Variants in NDUFAF6 observed in about 807,000 individuals in gnomAD.
The protein encoded by NDUFAF6 is NADH:ubiquinone oxidoreductase complex assembly factor 6.
A neutral mutation model predicts 40.8 loss-of-function variants in NDUFAF6; 45 were observed. That is an observed-to-expected ratio of 1.10 (90% CI 0.87 to 1.42). NDUFAF6 has a LOEUF of 1.42. Ranked by LOEUF, NDUFAF6 falls within the 40% of genes most tolerant of loss-of-function variation. NDUFAF6 has a pLI of 0.00. For synonymous variants in NDUFAF6, 185 were observed against 155.9 expected (o/e 1.19, Z -1.39); for missense variants, 435 against 418.5 (o/e 1.04, Z -0.34).
intron 1 of NDUFAF6, chr8:94,940,261 A>C (rs368640148): frequency 6.4e-7 from 1 of 1,555,078 alleles, no homozygotes; most frequent in Admixed American, 1.9e-5. Flanking sequence ...GTGTTGTTGA[A>C]GAGTCCCACA....
intron 2 of NDUFAF6, among the ~76,000 whole-genome samples, chr8:95,005,526 A>AATATATATATATATATATATATAT (rs760333438): frequency 1.5e-3 from 11 of 7,258 alleles, no homozygotes; most frequent in African/African-American, 7.4e-3. Flanking sequence ...GGTCCTTTTA[A>AATATATATATATATATATATATAT]ATATATATAT....
chr8:95,021,613 A>G (rs1827695285), upstream of NDUFAF6, among the ~76,000 whole-genome samples: 1 of 152,174 alleles, frequency 6.6e-6, no homozygotes, highest in Non-Finnish European at 1.5e-5. Flanking sequence ...TCATTCTAAG[A>G]AAAAAACTCA....
chr8:95,100,090 G>C (rs996107374), upstream of NDUFAF6, among the ~76,000 whole-genome samples: 3 of 152,030 alleles, frequency 2.0e-5, no homozygotes, highest in African/African-American at 7.3e-5. Context: ...TTTAAACCAA[G>C]TGGGGACTCA....
At position 94,991,795 on chromosome 8, in the gene NDUFAF6, C is replaced by T. The variant is rs560228839; in HGVS notation, c.-84+10822C>T. ...GTACAAGGAGAGCTTCCTCATTCTT[C>T]GCCCCCCCCCCCTTTTTTTTTTTAA... On this transcript the variant is annotated intron_variant, in intron 2 of 9. Coordinates refer to the NDUFAF6 transcript ENST00000396111. 2.6e-4 allele frequency among the ~76,000 whole-genome samples: 29 copies of T among 111,116 alleles called. No homozygotes were observed. The South Asian group carries it at 2.7e-3, about 10-fold the overall frequency. The allele number at this position is 111,116 out of a possible 152,430, so 72.9% of individuals were successfully genotyped here.
At chr8:95,011,567 A>T (rs7832570) in intron 2 of NDUFAF6, among the ~76,000 whole-genome samples, 19,141 of 152,188 alleles carry the variant, frequency 0.13, 1,253 homozygotes, top group Middle Eastern at 0.23. Context: ...ACTGCCCTAG[A>T]TGCAGCTGGT....
At chr8:94,923,822 G>A (rs1819666268) in intron 1 of NDUFAF6, among the ~76,000 whole-genome samples, 1 of 148,662 alleles carries the variant, frequency 6.7e-6, no homozygotes, top group Non-Finnish European at 1.5e-5. Flanking sequence ...TGGGACTACA[G>A]GTGCCCGCCA....
intron 2 of NDUFAF6, among the ~76,000 whole-genome samples, chr8:95,081,216 G>T (rs1372533863): frequency 7.2e-6 from 1 of 138,670 alleles, no homozygotes; most frequent in Non-Finnish European, 1.5e-5. Context: ...CCAGGCTGGA[G>T]TGCAGTGGTG....
At chr8:94,919,462 A>C (rs998642077) in intron 1 of NDUFAF6, among the ~76,000 whole-genome samples, 2 of 152,214 alleles carry the variant, frequency 1.3e-5, no homozygotes, top group African/African-American at 4.8e-5. Flanking sequence ...AGAGACTCCT[A>C]GTTCACTTGT....
chr8:95,030,871 A>G (rs1171213600), intron 1 of NDUFAF6, among the ~76,000 whole-genome samples: 2 of 152,242 alleles, frequency 1.3e-5, no homozygotes, highest in Non-Finnish European at 2.9e-5. Flanking sequence ...GCAAGGCCTC[A>G]GGAAGCTTTT....
At chr8:95,072,360 G>A (rs574891689) in intron 9 of NDUFAF6, among the ~76,000 whole-genome samples, 2 of 152,216 alleles carry the variant, frequency 1.3e-5, no homozygotes, top group Admixed American at 6.5e-5. Context: ...CCTTTATACT[G>A]GTATACACTT....
chr8:94,996,212 T>C (rs546067243), intron 2 of NDUFAF6, among the ~76,000 whole-genome samples: 1 of 152,290 alleles, frequency 6.6e-6, no homozygotes, highest in East Asian at 1.9e-4. Flanking sequence ...TCTCCTGACA[T>C]ACACAACAAC....
intron 9 of NDUFAF6, among the ~76,000 whole-genome samples, chr8:95,073,689 G>C (rs1344021871): frequency 6.6e-6 from 1 of 152,108 alleles, no homozygotes; most frequent in Admixed American, 6.5e-5. Context: ...ATCTGATCCC[G>C]GCTTCCAGCT....
downstream of NDUFAF6, among the ~76,000 whole-genome samples, chr8:95,076,839 C>T (rs770094311): frequency 2.0e-5 from 3 of 150,190 alleles, no homozygotes; most frequent in Non-Finnish European, 4.4e-5. Context: ...TGCCATTGCA[C>T]TCCAGCCTGG....
rs548347608 is a variant in NDUFAF6, at chr8:95,041,248, CACTT to C, written c.421-320_421-317del. ...AAAAAATAAAAAAGTCAGGGTATAT[CACTT>C]AATAGAGAAGCTCAGTACTTAATGC... is the stretch of plus-strand genomic sequence containing the variant. On this transcript the variant is annotated intron_variant, in intron 3 of 8. Transcript: ENST00000396124. Among the ~76,000 whole-genome samples the C allele has an allele frequency of 3.3e-3, 505 of 152,202 alleles. 3 individuals are homozygous for C. Among genetic ancestry groups the C allele is most frequent in the Middle Eastern group, 0.017 (5 of 294 alleles).
intron 2 of NDUFAF6, among the ~76,000 whole-genome samples, chr8:94,991,155 G>A (rs1456487350): frequency 1.3e-5 from 2 of 152,108 alleles, no homozygotes; most frequent in African/African-American, 4.8e-5. Flanking sequence ...TTCCAAAACA[G>A]ACATCTGAAA....
intron 2 of NDUFAF6, chr8:95,034,076 A>AC: frequency 2.2e-6 from 1 of 457,700 alleles, no homozygotes; most frequent in Non-Finnish European, 4.4e-6. Context: ...TTGCTAAGAA[A>AC]CCCACCCACC....
intron 1 of NDUFAF6, among the ~76,000 whole-genome samples, chr8:94,943,274 A>G (rs1398565719): frequency 6.6e-6 from 1 of 152,156 alleles, no homozygotes; most frequent in Non-Finnish European, 1.5e-5. Context: ...GGAATGCTTG[A>G]GCCTAGGAGT....
intron 2 of NDUFAF6, among the ~76,000 whole-genome samples, chr8:94,986,328 G>T (rs1041957649): frequency 7.2e-5 from 11 of 152,174 alleles, no homozygotes; most frequent in African/African-American, 2.7e-4. Flanking sequence ...TCTTGGCACA[G>T]TTTGTTCTCT....
At chr8:94,947,300 AC>A (rs1822106947) in intron 2 of NDUFAF6, among the ~76,000 whole-genome samples, 2 of 129,666 alleles carry the variant, frequency 1.5e-5, no homozygotes, top group African/African-American at 2.7e-5. Flanking sequence ...AAAAAAAAAA[AC>A]CCGCAAGTTT....
Sources: gnomAD v4.1 joint callset for allele counts (sites outside exome capture counted in the v4.1 genomes callset) on GRCh38, gnomAD v4.1.1 for gene constraint, MANE v1.5 for transcripts, NCBI Gene and HGNC (gene_info 2026-07-23, HGNC 2026-07-21) for gene names.